The following SLC7A6OS variants were observed in gnomAD, a reference collection of about 807,000 sequenced individuals.
SLC7A6OS encodes probable RNA polymerase II nuclear localization protein SLC7A6OS.
A neutral mutation model predicts 34.3 loss-of-function variants in SLC7A6OS; 22 were observed. That is an observed-to-expected ratio of 0.64 (90% CI 0.46 to 0.92). The LOEUF is 0.92. Among genes scored for constraint, SLC7A6OS ranks in the 40% least tolerant of loss-of-function variants. The pLI is 0.00. For synonymous variants in SLC7A6OS, 199 were observed against 165.0 expected, an observed-to-expected ratio of 1.21 and a Z score of -1.58; for missense variants, 434 against 407.7, an observed-to-expected ratio of 1.06 and a Z score of -0.56.
chr16:68,307,919 G>A (rs895799653), intron 2 of SLC7A6OS, among the ~76,000 whole-genome samples: 22 of 151,726 alleles, frequency 1.4e-4, no homozygotes, highest in Admixed American at 9.8e-4. Context: ...CTTGTTTTTT[G>A]AGATGGAGTT....
At position 68,304,097 on chromosome 16, in the gene SLC7A6OS, A is replaced by G. The variant is rs2043308445; in HGVS notation, c.607T>C (p.Leu203=). 5 of 1,614,050 alleles carry G rather than the reference A, an allele frequency of 3.1e-6. No individual in the cohort carries two copies. The African/African-American group carries it at 4.0e-5, about 13-fold the overall frequency. ...HDDYVYDIYY[L]ETATPGWIEN... is the part of the protein sequence containing the mutation. ...ATCCAGCCTGGAGTGGCCGTCTCCA[A>G]GTAGTAAATGTCATACACATAGTCA... is the stretch of plus-strand genomic sequence containing the variant. Residue 203 remains leucine, a synonymous_variant, in exon 3 of 5, where the codon TTG becomes CTG. Coordinates refer to ENST00000263997, the MANE Select transcript of SLC7A6OS (RefSeq NM_032178.3).
At chr16:68,310,298 T>C in intron 2 of SLC7A6OS, 37 bp downstream of exon 2, 3 of 1,541,774 alleles carry the variant, frequency 1.9e-6, no homozygotes, top group South Asian at 2.5e-5. Context: ...ATTACCATCC[T>C]GAGAAGCCCA....
At chr16:68,302,657 T>C (rs1471762462) in intron 3 of SLC7A6OS, 156 bp from the exon 4 acceptor site, 16 of 799,166 alleles carry the variant, frequency 2.0e-5, no homozygotes, top group Non-Finnish European at 2.1e-6. Context: ...CAAGAGGCTA[T>C]GAGAGGGAGA....
At chr16:68,301,633 G>A (rs1461227917) in intron 4 of SLC7A6OS, 2 of 360,660 alleles carry the variant, frequency 5.5e-6, no homozygotes, top group Admixed American at 4.4e-5. Flanking sequence ...TCTCCCCTCC[G>A]TGGAGTATTT....
chr16:68,305,000 G>A (rs2043316755), intron 2 of SLC7A6OS, among the ~76,000 whole-genome samples: 1 of 152,068 alleles, frequency 6.6e-6, no homozygotes, highest in Admixed American at 6.5e-5. Context: ...TATCCTGGGT[G>A]ACAGATTAAG....
At position 68,300,692 on chromosome 16, in the gene SLC7A6OS, G is replaced by A; in HGVS notation, c.*583C>T. The A allele has an allele frequency of 2.0e-6, 2 of 985,448 alleles. No homozygotes were observed. The highest frequency in any genetic ancestry group is 2.4e-6 in the Non-Finnish European group (2 of 829,942). The allele number at this position is 985,448 out of a possible 1,614,324, so 61.0% of individuals were successfully genotyped here. On this transcript the variant is annotated 3_prime_UTR_variant, in exon 5 of 5. Transcript: ENST00000263997. ...TTGTTTCTTGGCCCCACTGCCAAAGGAAGTCAGTCAGTAATTTCACAACCG... is the reference window on the plus strand; with the variant it reads ...TTGTTTCTTGGCCCCACTGCCAAAGAAAGTCAGTCAGTAATTTCACAACCG...
chr16:68,298,086 T>C lies in SLC7A6OS; in HGVS notation c.*3189A>G, dbSNP rs909925431. The C allele has an allele frequency of 6.6e-6, 1 of 152,654 alleles. No homozygotes were observed. The highest frequency in any genetic ancestry group is 2.4e-5 in the African/African-American group (1 of 41,458). The allele number at this position is 152,654 out of a possible 1,614,324, so 9.5% of individuals were successfully genotyped here. ...TACCTGTTACACTTTAGCATACAGA[T>C]AGATCATAGATCACGTTACAAGCAC... On this transcript the variant is annotated 3_prime_UTR_variant, in exon 5 of 5. Transcript: ENST00000263997.
rs1222685580 is a variant in SLC7A6OS at position 68,302,451 on chromosome 16, C to A, written c.729G>T (p.Glu243Asp). The A allele has an allele frequency of 3.7e-6, 6 of 1,614,042 alleles. No homozygotes were observed. The highest frequency in any genetic ancestry group is 5.1e-6 in the Non-Finnish European group (6 of 1,180,012). The change falls in exon 4 of 5, where the codon GAG (glutamate) becomes GAT (aspartate). Residue 243 changes from glutamate to aspartate, a missense_variant. Physicochemically the swap from Glu to Asp is conservative, Grantham distance 45. Coordinates refer to ENST00000263997, the MANE Select transcript of SLC7A6OS (RefSeq NM_032178.3). ...CATTGCGCCAGTTATTCTCACTGTT[C>A]TCGTCATCTTCATCGTCGTAAATGT... ...PEDIYDDEDD[E>D]NSENNWRNEY...
At chr16:68,306,060 A>C (rs1387007489) in intron 2 of SLC7A6OS, among the ~76,000 whole-genome samples, 3 of 152,206 alleles carry the variant, frequency 2.0e-5, no homozygotes, top group African/African-American at 4.8e-5. Context: ...GTCTCAAAAA[A>C]AGGTACAAGA....
intron 3 of SLC7A6OS, among the ~76,000 whole-genome samples, 177 bp from the exon 4 acceptor site, chr16:68,302,678 C>G (rs1393898636): frequency 6.6e-6 from 1 of 152,200 alleles, no homozygotes; most frequent in Non-Finnish European, 1.5e-5. Flanking sequence ...TAATAGCCCC[C>G]TTCCACTCAG....
Position 68,304,043 on chromosome 16 carries a change from T to C in SLC7A6OS, c.661A>G (p.Ser221Gly). 6.2e-7 allele frequency: 1 copy of C among 1,613,586 alleles called. No homozygotes were observed. Among genetic ancestry groups the C allele is most frequent in the Non-Finnish European group, 8.5e-7 (1 of 1,179,878 alleles). Residue 221 changes from serine to glycine, a missense_variant, in exon 3 of 5, where the codon AGC becomes GGC. Ser to Gly is a moderately conservative substitution (Grantham distance 56). Transcript: ENST00000263997. ...IENILSVQPYSQEWELVNDDQ... is the reference protein window; with the variant it reads ...IENILSVQPYGQEWELVNDDQ... ...CCCCTTACCAGCTCCCATTCTTGGC[T>C]GTAGGGCTGCACGGAGAGGATGTTC...
chr16:68,310,705 C>A lies in SLC7A6OS; in HGVS notation c.192+30G>T, dbSNP rs750463962. The stretch of plus-strand genomic sequence containing the variant: ...TCGTACCGGCTGCACCCGAAGATGC[C>A]CTCCACACCAGCTGCACCACGCCCA... On this transcript the variant is annotated intron_variant, in intron 1 of 4. Transcript: ENST00000263997. The A allele has an allele frequency of 7.6e-6, 12 of 1,587,046 alleles. No homozygotes were observed. In the East Asian group the frequency reaches 2.5e-4, roughly 33 times the overall value.
chr16:68,310,531 G>A lies in SLC7A6OS; in HGVS notation c.275C>T (p.Ala92Val). The change falls in exon 2 of 5, where the codon GCC becomes GTC. Residue 92 changes from alanine (A) to valine (V), a missense_variant. Coordinates refer to ENST00000263997, the MANE Select transcript of SLC7A6OS (RefSeq NM_032178.3). ...CTCCTGCCGGACCTCCCGAGCCGAGGCGCGGAGATTACGGCGGACACGCTG... is the reference window on the plus strand; with the variant it reads ...CTCCTGCCGGACCTCCCGAGCCGAGACGCGGAGATTACGGCGGACACGCTG... ...SQQRVRRNLR[A>V]SAREVRQEGR... 1 of 1,583,778 alleles carries A rather than the reference G, an allele frequency of 6.3e-7. No individual in the cohort carries two copies. The highest frequency in any genetic ancestry group is 8.6e-7 in the Non-Finnish European group (1 of 1,165,868).
chr16:68,303,760 GATAGCT>G, intron 3 of SLC7A6OS: 1 of 411,090 alleles, frequency 2.4e-6, no homozygotes, highest in Non-Finnish European at 4.4e-6. Context: ...CCTAAGAATG[GATAGCT>G]ATAAACAATA....
At chr16:68,302,704 T>C (rs955824065) in intron 3 of SLC7A6OS, among the ~76,000 whole-genome samples, 2 of 152,084 alleles carry the variant, frequency 1.3e-5, no homozygotes, top group Non-Finnish European at 2.9e-5. Flanking sequence ...AGCTCCACAA[T>C]GATAGGACAT....
intron 2 of SLC7A6OS, among the ~76,000 whole-genome samples, chr16:68,307,777 C>T (rs1198113429): frequency 9.9e-5 from 15 of 152,082 alleles, no homozygotes. Context: ...TTCATTTTTC[C>T]CCTATAATTA....
intron 2 of SLC7A6OS, among the ~76,000 whole-genome samples, chr16:68,306,830 T>G (rs2043330869): frequency 6.6e-6 from 1 of 151,668 alleles, no homozygotes; most frequent in African/African-American, 2.4e-5. Flanking sequence ...GTGTATTCAT[T>G]CATTCATTCA....
intron 2 of SLC7A6OS, among the ~76,000 whole-genome samples, chr16:68,307,076 T>C (rs1469317798): frequency 1.3e-5 from 2 of 152,232 alleles, no homozygotes; most frequent in African/African-American, 4.8e-5. Flanking sequence ...CAATCAGTTT[T>C]CATGGTTATC....
chr16:68,305,550 A>G (rs1017739414), intron 2 of SLC7A6OS, among the ~76,000 whole-genome samples: 2 of 152,156 alleles, frequency 1.3e-5, no homozygotes, highest in Admixed American at 1.3e-4. Context: ...AGCAGACACC[A>G]CGCAGGAAAA....
Sources: allele counts gnomAD v4.1 joint callset (sites outside exome capture counted in the v4.1 genomes callset), GRCh38; gene constraint gnomAD v4.1.1; transcripts MANE v1.5; gene names NCBI Gene and HGNC (gene_info 2026-07-23, HGNC 2026-07-21).